PLSCR2: variants seen among roughly 807,000 people sequenced by gnomAD.
PLSCR2 encodes the protein PL scramblase 2.
A neutral mutation model predicts 25.3 loss-of-function variants in PLSCR2; 18 were observed. The ratio of observed to expected loss-of-function variants is 0.71; its 90% CI spans 0.49 to 1.06. PLSCR2 has a LOEUF of 1.06. Ranked by LOEUF, PLSCR2 falls within the 50% of genes least tolerant of loss-of-function variation. PLSCR2 has a pLI of 0.00. For synonymous variants in PLSCR2, 88 were observed against 87.3 expected, an observed-to-expected ratio of 1.01 and a Z score of -0.04; for missense variants, 243 against 269.5, an observed-to-expected ratio of 0.90 and a Z score of 0.69.
exon 3 of PLSCR2, chr3:146,395,919 T>C (rs1318079857): frequency 6.1e-6 from 2 of 328,576 alleles, no homozygotes; most frequent in Admixed American, 4.0e-5. Context: ...CCAGAGTCAA[T>C]AACTAAAATG....
At chr3:146,495,084 G>A (rs1249053080) in intron 1 of PLSCR2, 1 of 152,182 alleles carries the variant, frequency 6.6e-6, no homozygotes, top group Non-Finnish European at 1.5e-5. Flanking sequence ...GATTGGGAAA[G>A]AGGAGTATCA....
downstream of PLSCR2, among the ~76,000 whole-genome samples, chr3:146,439,318 G>T (rs2040091396): frequency 1.3e-5 from 2 of 152,146 alleles, no homozygotes; most frequent in African/African-American, 4.8e-5. Context: ...TTGAATGCTG[G>T]CCTGCCTTGC....
intron 1 of PLSCR2, among the ~76,000 whole-genome samples, chr3:146,478,054 T>A (rs1260073851): frequency 6.6e-6 from 1 of 152,056 alleles, no homozygotes; most frequent in Admixed American, 6.5e-5. Context: ...CTGAAAGGAA[T>A]AGCATCAACA....
intron 5 of PLSCR2, among the ~76,000 whole-genome samples, chr3:146,452,270 G>A (rs1274529735): frequency 1.3e-5 from 2 of 151,594 alleles, no homozygotes; most frequent in African/African-American, 4.8e-5. Flanking sequence ...TCAGAAGTAT[G>A]AGTAAAAAAA....
chr3:146,478,113 A>AT (rs1176073304), intron 1 of PLSCR2, among the ~76,000 whole-genome samples: 1 of 152,204 alleles, frequency 6.6e-6, no homozygotes, highest in African/African-American at 2.4e-5. Flanking sequence ...GGTCACCAAC[A>AT]TCAAAGACCA....
At chr3:146,479,657 A>G (rs761517324) in intron 1 of PLSCR2, among the ~76,000 whole-genome samples, 12 of 152,120 alleles carry the variant, frequency 7.9e-5, no homozygotes, top group Non-Finnish European at 1.5e-4. Flanking sequence ...ACACTCCACT[A>G]TCAATATTAG....
At chr3:146,414,096 G>C (rs1185596860) in intron 2 of PLSCR2, among the ~76,000 whole-genome samples, 1 of 152,184 alleles carries the variant, frequency 6.6e-6, no homozygotes, top group Non-Finnish European at 1.5e-5. Context: ...GTAAGAGAGA[G>C]GGGGAGGAAG....
At chr3:146,415,989 C>T (rs2038995375) in intron 2 of PLSCR2, among the ~76,000 whole-genome samples, 1 of 152,000 alleles carries the variant, frequency 6.6e-6, no homozygotes, top group African/African-American at 2.4e-5. Context: ...CTAGCTCTGT[C>T]ACCCAGGTTG....
At chr3:146,421,604 A>G (rs2039154428) in intron 2 of PLSCR2, among the ~76,000 whole-genome samples, 2 of 152,104 alleles carry the variant, frequency 1.3e-5, no homozygotes, top group African/African-American at 4.8e-5. Flanking sequence ...CCCACAACCC[A>G]CTGTCTCTCA....
chr3:146,411,542 G>A (rs1179212303), intron 2 of PLSCR2, among the ~76,000 whole-genome samples: 3 of 152,300 alleles, frequency 2.0e-5, no homozygotes, highest in East Asian at 1.9e-4. Context: ...CCGTCCTTCC[G>A]GGGGAGCCTG....
chr3:146,441,700 A>T, downstream of PLSCR2: 1 of 840,396 alleles, frequency 1.2e-6, no homozygotes, highest in Non-Finnish European at 1.9e-6. Context: ...AAAACACTGA[A>T]TTTTTCTTTT....
At chr3:146,411,151 AAGAG>A (rs765276637) in intron 2 of PLSCR2, among the ~76,000 whole-genome samples, 1 of 152,092 alleles carries the variant, frequency 6.6e-6, no homozygotes, top group Non-Finnish European at 1.5e-5. Flanking sequence ...AAGGGAGAGA[AAGAG>A]AGAGAGACCA....
chr3:146,432,093 A>G (rs1450157951), downstream of PLSCR2, among the ~76,000 whole-genome samples: 1 of 152,204 alleles, frequency 6.6e-6, no homozygotes, highest in Non-Finnish European at 1.5e-5. Flanking sequence ...TTGAGGGAAA[A>G]TAAATTGAAA....
At chr3:146,432,669 T>C (rs1433822405), downstream of PLSCR2, among the ~76,000 whole-genome samples, 2 of 152,288 alleles carry the variant, frequency 1.3e-5, no homozygotes, top group South Asian at 4.1e-4. Flanking sequence ...TTGGTTCTTT[T>C]AAATGCCTGC....
chr3:146,424,016 T>A (rs2039249508), intron 2 of PLSCR2, among the ~76,000 whole-genome samples: 1 of 151,886 alleles, frequency 6.6e-6, no homozygotes, highest in Non-Finnish European at 1.5e-5. Flanking sequence ...AAGTTCAAGA[T>A]AATGGTATCC....
At chr3:146,493,783 G>GTTTTTTT (rs34986699) in intron 1 of PLSCR2, among the ~76,000 whole-genome samples, 5 of 54,770 alleles carry the variant, frequency 9.1e-5, no homozygotes, top group African/African-American at 1.4e-4. Context: ...CCAAGGTGGC[G>GTTTTTTT]TTTTTTTTTT....
At chr3:146,460,149 A>T (rs1427061393) in intron 1 of PLSCR2, 66 bp from the exon 2 acceptor site, 2 of 1,383,614 alleles carry the variant, frequency 1.4e-6, no homozygotes, top group African/African-American at 2.9e-5. Context: ...TTTTAGAATA[A>T]CCCCAGTTAT....
chr3:146,487,137 A>C (rs2108561864), intron 1 of PLSCR2, among the ~76,000 whole-genome samples: 1 of 152,288 alleles, frequency 6.6e-6, no homozygotes, highest in Non-Finnish European at 1.5e-5. Flanking sequence ...AATAACTCTC[A>C]ATAAACTAAG....
chr3:146,437,843 C>T (rs534488574), downstream of PLSCR2, among the ~76,000 whole-genome samples: 80 of 152,220 alleles, frequency 5.3e-4, no homozygotes, highest in Non-Finnish European at 1.0e-3. Flanking sequence ...TTTTGCTTCT[C>T]TAGTTCTTTT....
Sources: allele counts gnomAD v4.1 joint callset (sites outside exome capture counted in the v4.1 genomes callset), GRCh38; gene constraint gnomAD v4.1.1; transcripts MANE v1.5; gene names NCBI Gene and HGNC (gene_info 2026-07-23, HGNC 2026-07-21).